The following ATXN3 variants were observed in gnomAD, a reference collection of about 807,000 sequenced individuals.
The protein encoded by ATXN3 is ataxin 3.
A neutral mutation model predicts 58.2 loss-of-function variants in ATXN3; 28 were observed. The ratio of observed to expected loss-of-function variants is 0.48; its 90% confidence interval spans 0.36 to 0.66. The LOEUF (loss-of-function observed/expected upper bound fraction) is 0.66. Among genes scored for constraint, ATXN3 ranks in the 30% least tolerant of loss-of-function variants. ATXN3 has a pLI of 0.00. For missense variants in ATXN3, 321 were observed against 422.1 expected (o/e 0.76, Z 2.10); for synonymous variants, 113 against 138.5 (o/e 0.82, Z 1.29).
chr14:92,073,805 C>T (rs1048065005), intron 9 of ATXN3, among the ~76,000 whole-genome samples: 116 of 151,886 alleles, frequency 7.6e-4, no homozygotes, highest in African/African-American at 2.7e-3. Context: ...TGCCACTACA[C>T]TCCAGCCTGG....
chr14:92,102,696 T>C (rs2141301458), intron 1 of ATXN3, among the ~76,000 whole-genome samples: 2 of 152,282 alleles, frequency 1.3e-5, no homozygotes, highest in South Asian at 4.1e-4. Flanking sequence ...CCAGGGAGCC[T>C]TCTCTACACT....
intron 7 of ATXN3, 106 bp from the exon 8 acceptor site, chr14:92,082,572 G>T: frequency 4.4e-5 from 47 of 1,057,206 alleles, no homozygotes; most frequent in Middle Eastern, 2.2e-4. Context: ...AACTTAAAAT[G>T]TTTTCTGGCA....
chr14:92,104,286 G>A (rs996346741), intron 1 of ATXN3, among the ~76,000 whole-genome samples: 8 of 152,168 alleles, frequency 5.3e-5, no homozygotes, highest in Non-Finnish European at 1.0e-4. Context: ...GATTACAGGC[G>A]CCTGCCACCA....
At chr14:92,048,341 A>G (rs1298743627) in intron 1 of ATXN3, among the ~76,000 whole-genome samples, 1 of 152,124 alleles carries the variant, frequency 6.6e-6, no homozygotes, top group East Asian at 1.9e-4. Context: ...ATTATTGTAC[A>G]CCTTGAAGGT....
chr14:92,096,256 G>T, intron 2 of ATXN3, 119 bp from the exon 3 acceptor site: 1 of 1,589,820 alleles, frequency 6.3e-7, no homozygotes. Context: ...AAAGTTAACA[G>T]CACAGTTATA....
intron 2 of ATXN3, 68 bp from the exon 3 acceptor site, chr14:92,096,205 G>A: frequency 6.2e-7 from 1 of 1,612,166 alleles, no homozygotes; most frequent in Non-Finnish European, 8.5e-7. Flanking sequence ...ACTGTCATTA[G>A]CGTGCATATT....
rs1234334877 is a variant in ATXN3, at chr14:92,063,737, T to C, written c.*583A>G. On this transcript the variant is annotated 3_prime_UTR_variant, in exon 11 of 11. Coordinates refer to ENST00000644486, the MANE Select transcript of ATXN3 (RefSeq NM_004993.6). ...TTTCAAAAGAATTGTGGGAAAATAATGAAAACCAGGTAGCAGAAAAGTTGT... is the reference window on the plus strand; with the variant it reads ...TTTCAAAAGAATTGTGGGAAAATAACGAAAACCAGGTAGCAGAAAAGTTGT... The C allele has an allele frequency of 6.6e-6, 1 of 152,032 alleles. No individual in the cohort carries two copies. Among genetic ancestry groups the C allele is most frequent in the Non-Finnish European group, 1.5e-5 (1 of 67,988 alleles). The allele number at this position is 152,032 out of a possible 1,614,324, so 9.4% of individuals were successfully genotyped here.
Position 92,060,514 on chromosome 14 carries a change from C to T in ATXN3, c.*3806G>A, listed in dbSNP as rs2057702208. The T allele has an allele frequency of 6.6e-6, 1 of 151,878 alleles. No individual in the cohort carries two copies. Among genetic ancestry groups the T allele is most frequent in the Non-Finnish European group, 1.5e-5 (1 of 68,014 alleles). 9.4% of individuals were successfully genotyped at this position (151,878 alleles called of 1,614,324 possible). Reference sequence around the variant, plus strand: ...CCTGAAGTGATTCGCCCACCTCAGCCTCCAGAACTGCTGGGATTACAGGCG... The same window carrying T: ...CCTGAAGTGATTCGCCCACCTCAGCTTCCAGAACTGCTGGGATTACAGGCG... On this transcript the variant is annotated 3_prime_UTR_variant, in exon 11 of 11. Transcript: ENST00000644486.
chr14:92,085,953 C>T (rs1173953562), intron 6 of ATXN3, among the ~76,000 whole-genome samples: 1 of 152,116 alleles, frequency 6.6e-6, no homozygotes, highest in Non-Finnish European at 1.5e-5. Flanking sequence ...GAAGGGATAT[C>T]ATCAGGAACC....
intron 6 of ATXN3, 37 bp downstream of exon 6, chr14:92,088,693 G>A (rs374260891): frequency 4.6e-5 from 65 of 1,409,108 alleles, no homozygotes; most frequent in Non-Finnish European, 6.0e-5. Flanking sequence ...TAACTACTTC[G>A]AAAGGTAACA....
intron 9 of ATXN3, among the ~76,000 whole-genome samples, chr14:92,080,063 GT>G (rs1305043984): frequency 1.3e-5 from 2 of 151,724 alleles, no homozygotes; most frequent in Non-Finnish European, 2.9e-5. Flanking sequence ...AAAAAAAAAA[GT>G]GGGGGACAAA....
intron 6 of ATXN3, among the ~76,000 whole-genome samples, chr14:92,087,580 G>A (rs55983212): frequency 6.6e-6 from 1 of 152,338 alleles, no homozygotes; most frequent in East Asian, 1.9e-4. Flanking sequence ...GCCAAGATGT[G>A]GTTTAACCAG....
At chr14:92,097,883 A>C (rs2065804377) in intron 1 of ATXN3, among the ~76,000 whole-genome samples, 2 of 152,170 alleles carry the variant, frequency 1.3e-5, no homozygotes, top group Non-Finnish European at 2.9e-5. Flanking sequence ...GATAATTAAC[A>C]TAGGTACATG....
intron 1 of ATXN3, among the ~76,000 whole-genome samples, chr14:92,099,842 A>G (rs1303053470): frequency 6.6e-6 from 1 of 151,958 alleles, no homozygotes; most frequent in Admixed American, 6.6e-5. Context: ...GCACTCCAGC[A>G]TGGGTGACAG....
At chr14:92,088,232 G>C (rs1028890504) in intron 6 of ATXN3, among the ~76,000 whole-genome samples, 77 of 151,940 alleles carry the variant, frequency 5.1e-4, no homozygotes, top group African/African-American at 1.8e-3. Flanking sequence ...CCACACCCCG[G>C]CTAATTTTTT....
intron 1 of ATXN3, among the ~76,000 whole-genome samples, chr14:92,106,066 C>CT (rs1226290576): frequency 2.0e-5 from 3 of 151,702 alleles, no homozygotes; most frequent in Non-Finnish European, 4.4e-5. Context: ...GTAGGGAAGA[C>CT]TCCAATATAG....
intron 10 of ATXN3, among the ~76,000 whole-genome samples, chr14:92,067,844 A>G (rs1465261843): frequency 1.3e-5 from 2 of 152,190 alleles, no homozygotes; most frequent in East Asian, 3.8e-4. Flanking sequence ...ACCAGAGGGG[A>G]GTGAAAGTCC....
chr14:92,105,831 G>A (rs1229422068), intron 1 of ATXN3, among the ~76,000 whole-genome samples: 1 of 152,196 alleles, frequency 6.6e-6, no homozygotes, highest in African/African-American at 2.4e-5. Flanking sequence ...TAAAAACAAA[G>A]CTGGCCGCCT....
intron 9 of ATXN3, among the ~76,000 whole-genome samples, chr14:92,078,264 G>A (rs1030934368): frequency 1.4e-4 from 22 of 152,140 alleles, no homozygotes; most frequent in African/African-American, 4.3e-4. Context: ...GATTAGAGGC[G>A]TGAGCCACCG....
Sources: allele counts gnomAD v4.1 joint callset (sites outside exome capture counted in the v4.1 genomes callset), GRCh38; gene constraint gnomAD v4.1.1; transcripts MANE v1.5; gene names NCBI Gene and HGNC (gene_info 2026-07-23, HGNC 2026-07-21).